Variants in DIP2A observed in about 807,000 individuals in gnomAD.
DIP2A encodes the protein disco-interacting protein 2 homolog A.
DIP2A carries 85 observed loss-of-function variants against 177.4 expected under a neutral mutation model. The observed-to-expected ratio is 0.48, with a 90% CI of 0.40 to 0.57. DIP2A has a LOEUF of 0.57. DIP2A is among the 20% of genes least tolerant of loss of function. DIP2A has a pLI of 0.00. For missense variants in DIP2A, 1,791 were observed against 2,100.2 expected (o/e 0.85, Z 2.88); for synonymous variants, 886 against 881.8 (o/e 1.00, Z -0.08).
rs1380062196 is a variant in DIP2A at position 46,548,243 on chromosome 21, C to T, written c.2522+1201C>T. Reference sequence around the variant, plus strand: ...GCCTGCGTGCAGGGGGAGGGTGGCACAGCCAGGGTCATGACCCCCCTCACA... The same window carrying T: ...GCCTGCGTGCAGGGGGAGGGTGGCATAGCCAGGGTCATGACCCCCCTCACA... On this transcript the variant is annotated intron_variant, in intron 21 of 37. Transcript: ENST00000417564. Among the ~76,000 whole-genome samples the T allele has an allele frequency of 2.6e-5, 4 of 151,890 alleles. No individual in the cohort carries two copies. The East Asian group carries it at 7.8e-4, about 29-fold the overall frequency.
Position 46,541,882 on chromosome 21 carries a change from G to A in DIP2A, c.2163G>A (p.Gln721=). 6.2e-7 allele frequency: 1 copy of A among 1,614,054 alleles called. No individual in the cohort carries two copies. Among genetic ancestry groups the A allele is most frequent in the Non-Finnish European group, 8.5e-7 (1 of 1,179,890 alleles). ...LSVLTVQDVG[Q]VMPGANVCVV... is the part of the protein sequence containing the mutation. ...TCCTTACTGTTCAGGACGTTGGTCA[G>A]GTGATGCCTGGAGGTAAGAGACATA... The change falls in exon 18 of 38, where the codon CAG becomes CAA. Residue 721 remains glutamine (Q), a synonymous_variant. Transcript: ENST00000417564.
chr21:46,561,445 A>T, intron 33 of DIP2A: 1 of 433,016 alleles, frequency 2.3e-6, no homozygotes, highest in Non-Finnish European at 4.3e-6. Flanking sequence ...TGATGTAAAC[A>T]CTAGGTTTAG....
rs2060742048 is a variant in DIP2A, at chr21:46,563,631, G to A, written c.4090-227G>A. 2 of 677,450 alleles carry A rather than the reference G, an allele frequency of 3.0e-6. No individual in the cohort carries two copies. The highest frequency in any genetic ancestry group is 2.3e-6 in the Non-Finnish European group (1 of 439,098). 42.0% of individuals were successfully genotyped at this position (677,450 alleles called of 1,614,324 possible). A position where few individuals can be genotyped will look rare whatever the true frequency, so the allele number is the denominator to read the frequency against. ...TCTGCCCCTCCTGACACCCAGAGAC[G>A]GGATCCCTTCTCAGGAACTGGAGTC... On this transcript the variant is annotated intron_variant, in intron 34 of 37. Transcript: ENST00000417564. This position sits in a 1 kb window ranked among gnomAD's most constrained non-coding sequence, Gnocchi z 4.3.
At position 46,459,087 on chromosome 21, in the gene DIP2A, C is replaced by T. The variant is rs1569334915; in HGVS notation, c.-45C>T. 2 of 1,403,980 alleles carry T rather than the reference C, an allele frequency of 1.4e-6. No homozygotes were observed. The highest frequency in any genetic ancestry group is 3.0e-5 in the South Asian group (2 of 66,018). The allele number at this position is 1,403,980 out of a possible 1,614,324, so 87.0% of individuals were successfully genotyped here. A position where few individuals can be genotyped will look rare whatever the true frequency, so the allele number is the denominator to read the frequency against. On this transcript the variant is annotated 5_prime_UTR_variant, in exon 1 of 38. Transcript: ENST00000417564. ...CGAGGTTTGCGCTGCCGCCGCCAGG[C>T]CCGGTCCGGTTCCAGCCTCTGCCCG...
rs10714360 is a variant in DIP2A at position 46,536,903 on chromosome 21, C to CA, written c.1643-306dup. On this transcript the variant is annotated intron_variant, in intron 13 of 37. Coordinates refer to ENST00000417564, the MANE Select transcript of DIP2A (RefSeq NM_015151.4). ...TGGGCAACAGAGCAAGACTCTGTCT[C>CA]AAAAAAAAAAAAAAAGAAGAAAAGA... Among the ~76,000 whole-genome samples, 298 of 129,468 alleles carry CA rather than the reference C, an allele frequency of 2.3e-3. 2 individuals are homozygous for CA. The highest frequency in any genetic ancestry group is 8.3e-3 in the South Asian group (34 of 4,098). 84.9% of individuals were successfully genotyped at this position (129,468 alleles called of 152,430 possible).
chr21:46,534,080 C>A lies in DIP2A; in HGVS notation c.1506C>A (p.Ala502=), dbSNP rs766861720. ...AKPPKDWHPL[A]QDTGTGTAYI... ...CCCCAAAGGACTGGCACCCTCTGGC[C>A]CAGGACACAGGGACTGGGACTGCCT... is the stretch of plus-strand genomic sequence containing the variant. Residue 502 remains alanine, a synonymous_variant, in exon 12 of 38, where the codon GCC becomes GCA. Coordinates refer to ENST00000417564, the MANE Select transcript of DIP2A (RefSeq NM_015151.4). 6.2e-7 allele frequency: 1 copy of A among 1,613,832 alleles called. No individual in the cohort carries two copies. The highest frequency in any genetic ancestry group is 1.1e-5 in the South Asian group (1 of 91,040).
At chr21:46,495,239 CTTCTT>C (rs769494944) in intron 3 of DIP2A, among the ~76,000 whole-genome samples, 618 of 45,690 alleles carry the variant, frequency 0.014, 1 homozygote, top group African/African-American at 0.029. Flanking sequence ...CTTCTCTTCT[CTTCTT>C]TCTCTCTCTC....
chr21:46,559,716 C>A (rs796417424), intron 32 of DIP2A, among the ~76,000 whole-genome samples: 15 of 152,316 alleles, frequency 9.8e-5, no homozygotes, highest in African/African-American at 3.4e-4. Context: ...CTTTAAGATA[C>A]AGAGGTGGGT....
In DIP2A at chr21:46,557,460, T is replaced by G; in HGVS notation, c.3630-125T>G. On this transcript the variant is annotated intron_variant, in intron 30 of 37. Coordinates refer to ENST00000417564, the MANE Select transcript of DIP2A (RefSeq NM_015151.4). This position sits in a 1 kb window ranked among gnomAD's most constrained non-coding sequence, Gnocchi z 6.0. ...ATGTTTTCCACCAAACCCCCCCACT[T>G]GGCGTCAGAACAGAAATCATGCCCC... 1 of 1,204,824 alleles carries G rather than the reference T, an allele frequency of 8.3e-7. No homozygotes were observed. Among genetic ancestry groups the G allele is most frequent in the South Asian group, 1.6e-5 (1 of 62,918 alleles). The allele number at this position is 1,204,824 out of a possible 1,614,324, so 74.6% of individuals were successfully genotyped here.
In DIP2A at chr21:46,567,502, G is replaced by A; in HGVS notation, c.4596G>A (p.Val1532=). 1.2e-6 allele frequency: 2 copies of A among 1,613,926 alleles called. No individual in the cohort carries two copies. The highest frequency in any genetic ancestry group is 8.5e-7 in the Non-Finnish European group (1 of 1,179,876). Residue 1532 remains valine (V), a synonymous_variant, in exon 38 of 38, where the codon GTG becomes GTA. Transcript: ENST00000417564. The part of the protein sequence containing the change: ...LEEHYLVVGV[V]VIVDPGVIPI... Reference sequence around the variant, plus strand: ...AGCACTACCTGGTCGTGGGAGTGGTGGTCATCGTGGACCCAGGGGTGATCC... The same window carrying A: ...AGCACTACCTGGTCGTGGGAGTGGTAGTCATCGTGGACCCAGGGGTGATCC...
At chr21:46,551,525 TA>T (rs2060271091) in intron 23 of DIP2A, 108 bp from the exon 24 acceptor site, 1 of 924,744 alleles carries the variant, frequency 1.1e-6, no homozygotes, top group Admixed American at 2.3e-5. Context: ...GTAGAAGAGT[TA>T]AATGCCTCAT....
intron 15 of DIP2A, among the ~76,000 whole-genome samples, 175 bp from the exon 16 acceptor site, chr21:46,538,308 G>A (rs545500195): frequency 6.6e-6 from 1 of 152,276 alleles, no homozygotes; most frequent in South Asian, 2.1e-4. Context: ...AAGCTTTGAG[G>A]GTTTGTTAGA....
chr21:46,572,510 AATCTATTCAAGG>A (rs1434375878), downstream of DIP2A, among the ~76,000 whole-genome samples: 6 of 152,166 alleles, frequency 3.9e-5, no homozygotes, highest in Admixed American at 3.9e-4. Context: ...TGATTGGATT[AATCTATTCAAGG>A]ATTGATAGAT....
At position 46,558,410 on chromosome 21, in the gene DIP2A, T is replaced by C. The variant is rs780535557; in HGVS notation, c.3969+17T>C. The stretch of plus-strand genomic sequence containing the variant: ...TGCCTCCAGGTGAGGTGCCTGGGGC[T>C]GCGGTTCTCGAAAGCTGGCTGTTGG... On this transcript the variant is annotated intron_variant, in intron 32 of 37. Coordinates refer to ENST00000417564, the MANE Select transcript of DIP2A (RefSeq NM_015151.4). 2 of 1,374,672 alleles carry C rather than the reference T, an allele frequency of 1.5e-6. No homozygotes were observed. The highest frequency in any genetic ancestry group is 2.0e-6 in the Non-Finnish European group (2 of 1,007,536). The allele number at this position is 1,374,672 out of a possible 1,614,324, so 85.2% of individuals were successfully genotyped here.
At chr21:46,510,880 G>T (rs527790667) in intron 7 of DIP2A, among the ~76,000 whole-genome samples, 1 of 152,002 alleles carries the variant, frequency 6.6e-6, no homozygotes, top group Non-Finnish European at 1.5e-5. Context: ...TGATCCACCC[G>T]CCTCGGCCTC....
At chr21:46,538,706 T>G in intron 16 of DIP2A, 104 bp downstream of exon 16, 1 of 1,448,130 alleles carries the variant, frequency 6.9e-7, no homozygotes, top group Non-Finnish European at 9.2e-7. Context: ...TCACTGCCAT[T>G]GTCATATAGA....
chr21:46,521,687 A>C (rs551137815), intron 8 of DIP2A, among the ~76,000 whole-genome samples: 1 of 152,366 alleles, frequency 6.6e-6, no homozygotes, highest in African/African-American at 2.4e-5. Context: ...TCATGCTCCA[A>C]GAAAACTGTT....
chr21:46,557,745 G>A lies in DIP2A; in HGVS notation c.3790G>A (p.Val1264Ile), dbSNP rs1477014049. The A allele has an allele frequency of 6.2e-7, 1 of 1,608,164 alleles. No homozygotes were observed. Among genetic ancestry groups the A allele is most frequent in the Non-Finnish European group, 8.5e-7 (1 of 1,175,266 alleles). Residue 1264 changes from valine (V) to isoleucine (I), a missense_variant, in exon 31 of 38, where the codon GTC becomes ATC. Physicochemically the swap from Val to Ile is conservative, Grantham distance 29 (BLOSUM62 3). Coordinates refer to ENST00000417564, the MANE Select transcript of DIP2A (RefSeq NM_015151.4). This position sits in a 1 kb window ranked among gnomAD's most constrained non-coding sequence, Gnocchi z 6.0. ...CAAGGGCCTAGGCGCACAGACGGGTGTCCTCAGGGTGAGTGCCCAGACCCG... is the reference window on the plus strand; with the variant it reads ...CAAGGGCCTAGGCGCACAGACGGGTATCCTCAGGGTGAGTGCCCAGACCCG... ...CTKGLGAQTG[V>I]LRMKGVNLSC...
intron 3 of DIP2A, among the ~76,000 whole-genome samples, chr21:46,495,162 C>G (rs1341552972): frequency 6.7e-6 from 1 of 150,228 alleles, no homozygotes; most frequent in Non-Finnish European, 1.5e-5. Flanking sequence ...CCATCCCTCC[C>G]TCTTTCTCTT....
Sources: gnomAD v4.1 joint callset for allele counts (sites outside exome capture counted in the v4.1 genomes callset) on GRCh38, gnomAD v4.1.1 for gene constraint, Gnocchi (gnomAD v3.1) non-coding constraint, MANE v1.5 for transcripts, NCBI Gene and HGNC (gene_info 2026-07-23, HGNC 2026-07-21) for gene names.